The following RERE variants were observed in gnomAD, a reference collection of about 807,000 sequenced individuals.
The protein encoded by RERE is arginine-glutamic acid dipeptide repeats.
RERE carries 40 observed loss-of-function variants against 146.1 expected under a neutral mutation model. The ratio of observed to expected loss-of-function variants is 0.27; its 90% CI spans 0.21 to 0.36. The LOEUF (loss-of-function observed/expected upper bound fraction) is 0.36. RERE is among the 10% of genes least tolerant of loss of function. RERE has a pLI of 1.00. For synonymous variants in RERE, 1,003 were observed against 866.0 expected, an observed-to-expected ratio of 1.16 and a Z score of -2.78; for missense variants, 1,933 against 2,138.7, an observed-to-expected ratio of 0.90 and a Z score of 1.90.
At position 8,388,368 on chromosome 1, in the gene RERE, G is replaced by A. The variant is rs1015146868; in HGVS notation, c.1285-22394C>T. Reference sequence around the variant, plus strand: ...CACTCTGTCGCCCAGGCTGGACTGCGGACTGCAGTGGCGCAATCTCGGCTC... The same window carrying A: ...CACTCTGTCGCCCAGGCTGGACTGCAGACTGCAGTGGCGCAATCTCGGCTC... On this transcript the variant is annotated intron_variant, in intron 12 of 22. Transcript: ENST00000400908. Among the ~76,000 whole-genome samples, 10 of 151,444 alleles carry A rather than the reference G, an allele frequency of 6.6e-5. No homozygotes were observed. In the South Asian group the frequency reaches 1.3e-3, roughly 19 times the overall value.
intron 4 of RERE, among the ~76,000 whole-genome samples, chr1:8,583,018 C>T (rs897765458): frequency 6.6e-6 from 1 of 152,148 alleles, no homozygotes; most frequent in African/African-American, 2.4e-5. Context: ...AAAACGATTC[C>T]TCTGTCTGAT....
At chr1:8,386,043 T>G (rs1441750717) in intron 12 of RERE, among the ~76,000 whole-genome samples, 1 of 109,594 alleles carries the variant, frequency 9.1e-6, no homozygotes, top group African/African-American at 4.1e-5. Flanking sequence ...TTTTTTTTTT[T>G]TTTTTCTTGG....
intron 12 of RERE, among the ~76,000 whole-genome samples, chr1:8,390,669 A>G (rs1642854572): frequency 6.6e-6 from 1 of 151,906 alleles, no homozygotes; most frequent in Non-Finnish European, 1.5e-5. Context: ...TTTTTAAAAA[A>G]TCATATTTAT....
chr1:8,748,307 C>T (rs994054767), intron 1 of RERE, among the ~76,000 whole-genome samples: 15 of 152,140 alleles, frequency 9.9e-5, no homozygotes, highest in Admixed American at 5.2e-4. Flanking sequence ...CAGTCAGAAA[C>T]GTGGGAATTA....
At chr1:8,769,917 T>C (rs1170330867) in intron 1 of RERE, among the ~76,000 whole-genome samples, 1 of 151,986 alleles carries the variant, frequency 6.6e-6, no homozygotes, top group African/African-American at 2.4e-5. Context: ...GCCTCCCGAG[T>C]AGCTGGGATT....
At chr1:8,502,594 C>CGCT (rs1445537024) in intron 8 of RERE, among the ~76,000 whole-genome samples, 1 of 148,230 alleles carries the variant, frequency 6.7e-6, no homozygotes, top group African/African-American at 2.5e-5. Flanking sequence ...GTGTGCCCAG[C>CGCT]GGCTCATTGG....
chr1:8,659,728 A>G lies in RERE; in HGVS notation c.-144-3287T>C, dbSNP rs778828720. ...GACAGAAACACTTCTGATAACTTTAAGAAAAAAAATCATTCTCCCTGGGGT... is the reference window on the plus strand; with the variant it reads ...GACAGAAACACTTCTGATAACTTTAGGAAAAAAAATCATTCTCCCTGGGGT... On this transcript the variant is annotated intron_variant, in intron 1 of 22. Transcript: ENST00000400908. Among the ~76,000 whole-genome samples the G allele has an allele frequency of 1.0e-3, 155 of 152,250 alleles. 2 individuals carry two copies. Among genetic ancestry groups the G allele is most frequent in the Admixed American group, 9.2e-4 (14 of 15,286 alleles).
At chr1:8,366,245 A>G (rs755294261) in intron 12 of RERE, among the ~76,000 whole-genome samples, 7 of 152,140 alleles carry the variant, frequency 4.6e-5, no homozygotes, top group Non-Finnish European at 8.8e-5. Flanking sequence ...GGTGTCTGCT[A>G]TGTCAGACCC....
intron 1 of RERE, among the ~76,000 whole-genome samples, chr1:8,772,425 A>C (rs1289884585): frequency 6.6e-6 from 1 of 152,156 alleles, no homozygotes; most frequent in Non-Finnish European, 1.5e-5. Context: ...CCTTGCTCTG[A>C]TAAGAACTTT....
At chr1:8,368,094 T>C (rs1180986816) in intron 12 of RERE, among the ~76,000 whole-genome samples, 7 of 152,170 alleles carry the variant, frequency 4.6e-5, no homozygotes, top group Admixed American at 1.3e-4. Context: ...TTCCAGAGCT[T>C]GAAAGAAGAA....
Position 8,540,670 on chromosome 1 carries a change from T to C in RERE, c.830+544A>G, listed in dbSNP as rs117199896. Reference sequence around the variant, plus strand: ...CCTATTGCTTCTCATTTTAAAAAAATAGTAATTCAAACTGTTACATAGATC... The same window carrying C: ...CCTATTGCTTCTCATTTTAAAAAAACAGTAATTCAAACTGTTACATAGATC... On this transcript the variant is annotated intron_variant, in intron 7 of 22. Coordinates refer to ENST00000400908, the MANE Select transcript of RERE (RefSeq NM_001042681.2). 1.5e-3 allele frequency among the ~76,000 whole-genome samples: 228 copies of C among 152,326 alleles called. 9 individuals are homozygous for C. The East Asian group carries it at 0.041, about 27-fold the overall frequency.
intron 12 of RERE, among the ~76,000 whole-genome samples, chr1:8,369,678 C>A (rs907353952): frequency 2.6e-5 from 4 of 152,146 alleles, no homozygotes; most frequent in South Asian, 2.1e-4. Context: ...ATACAGAATG[C>A]TCAAACCACG....
At chr1:8,372,407 A>G (rs1346563219) in intron 12 of RERE, among the ~76,000 whole-genome samples, 2 of 151,602 alleles carry the variant, frequency 1.3e-5, no homozygotes, top group African/African-American at 4.9e-5. Flanking sequence ...AAGTCTGGAC[A>G]CTCCCCTGAG....
intron 10 of RERE, among the ~76,000 whole-genome samples, chr1:8,472,558 A>T (rs1332614117): frequency 1.3e-5 from 2 of 152,238 alleles, no homozygotes; most frequent in African/African-American, 2.4e-5. Flanking sequence ...ATTAAAGCAA[A>T]ATAATTAAAC....
At chr1:8,810,247 G>A (rs370226143) in intron 1 of RERE, among the ~76,000 whole-genome samples, 7 of 151,402 alleles carry the variant, frequency 4.6e-5, no homozygotes, top group African/African-American at 1.2e-4. Flanking sequence ...TCACCCATCC[G>A]CCTTGGCCTC....
chr1:8,620,239 T>C (rs1371869654), intron 3 of RERE, among the ~76,000 whole-genome samples: 1 of 152,134 alleles, frequency 6.6e-6, no homozygotes, highest in Non-Finnish European at 1.5e-5. Flanking sequence ...AGCTCTTTAC[T>C]CAGAGCGAAC....
At chr1:8,586,328 G>C (rs1646427919) in intron 4 of RERE, among the ~76,000 whole-genome samples, 1 of 152,180 alleles carries the variant, frequency 6.6e-6, no homozygotes, top group African/African-American at 2.4e-5. Flanking sequence ...GAATTCCTTA[G>C]GGAAAGAAGG....
intron 1 of RERE, among the ~76,000 whole-genome samples, chr1:8,742,866 T>TAA (rs1191754742): frequency 6.0e-5 from 7 of 117,000 alleles, no homozygotes; most frequent in Non-Finnish European, 8.5e-5. Context: ...AGATCCTGTC[T>TAA]CAAAAAAAAA....
At chr1:8,379,640 C>A (rs1557599433) in intron 12 of RERE, among the ~76,000 whole-genome samples, 1 of 152,190 alleles carries the variant, frequency 6.6e-6, no homozygotes, top group East Asian at 1.9e-4. Context: ...CCTTAAGAGG[C>A]CCAGGAAGTG....
Sources: allele counts gnomAD v4.1 joint callset (sites outside exome capture counted in the v4.1 genomes callset), GRCh38; gene constraint gnomAD v4.1.1; transcripts MANE v1.5; gene names NCBI Gene and HGNC (gene_info 2026-07-23, HGNC 2026-07-21).